Variants in GLI2 observed in about 807,000 individuals in gnomAD.
GLI2 encodes transcription activator GLI2.
Under a neutral mutation model 78.9 loss-of-function variants are expected in GLI2, and 22 were observed. The observed-to-expected ratio is 0.28, with a 90% CI of 0.20 to 0.40. The LOEUF (loss-of-function observed/expected upper bound fraction) is 0.40, where lower values mean the gene tolerates loss of function less well. Ranked by LOEUF, GLI2 falls within the 10% of genes least tolerant of loss-of-function variation. The probability of loss-of-function intolerance (pLI) is 1.00; values close to 1 mark genes in which losing one functional copy is unlikely to be tolerated. For missense variants in GLI2, 2,097 were observed against 2,213.2 expected (o/e 0.95, Z 1.05); for synonymous variants, 974 against 963.7 (o/e 1.01, Z -0.20).
At chr2:120,902,339 G>T (rs1678309553) in intron 2 of GLI2, among the ~76,000 whole-genome samples, 1 of 152,154 alleles carries the variant, frequency 6.6e-6, no homozygotes, top group Admixed American at 6.5e-5. Flanking sequence ...TCCAGTGAGA[G>T]AAGAAGCAAT....
intron 1 of GLI2, among the ~76,000 whole-genome samples, chr2:120,763,424 A>G (rs2104647909): frequency 6.6e-6 from 1 of 152,356 alleles, no homozygotes; most frequent in Non-Finnish European, 1.5e-5. Context: ...CTAGGCAGAG[A>G]AAGCCTGGGG....
chr2:120,754,433 T>C (rs989443085), intron 1 of GLI2, among the ~76,000 whole-genome samples: 3 of 151,732 alleles, frequency 2.0e-5, no homozygotes, highest in Admixed American at 6.6e-5. Context: ...CTGTAATCTG[T>C]CCCCCCACCC....
At chr2:120,772,381 G>A (rs1260489045) in intron 1 of GLI2, among the ~76,000 whole-genome samples, 1 of 152,150 alleles carries the variant, frequency 6.6e-6, no homozygotes, top group Non-Finnish European at 1.5e-5. Context: ...TTGTTTGTTT[G>A]TTTCCACTCA....
intron 2 of GLI2, among the ~76,000 whole-genome samples, chr2:120,804,419 C>T (rs1361346083): frequency 6.6e-6 from 1 of 152,162 alleles, no homozygotes; most frequent in Non-Finnish European, 1.5e-5. Flanking sequence ...GAGGTGTTCC[C>T]GGTGGGCTGG....
At position 120,990,216 on chromosome 2, in the gene GLI2, G is replaced by A. The variant is rs760153700; in HGVS notation, c.4251G>A (p.Gln1417=). The A allele has an allele frequency of 8.7e-6, 14 of 1,613,610 alleles. No individual in the cohort carries two copies. The highest frequency in any genetic ancestry group is 1.2e-5 in the Non-Finnish European group (14 of 1,180,038). ...MGSVPPQPPP[Q]DAGGAPDHSM... ...CGGTGCCTCCCCAGCCGCCTCCGCA[G>A]GACGCAGGTGGGGCCCCGGACCACA... The change falls in exon 14 of 14, where the codon CAG becomes CAA. Residue 1417 remains glutamine (Q), a synonymous_variant. Transcript: ENST00000361492.
At chr2:120,910,479 A>C (rs112181438) in intron 2 of GLI2, among the ~76,000 whole-genome samples, 1 of 152,176 alleles carries the variant, frequency 6.6e-6, no homozygotes, top group African/African-American at 2.4e-5. Context: ...CTCCTGTGTT[A>C]AGCAGGGCTA....
intron 1 of GLI2, among the ~76,000 whole-genome samples, chr2:120,780,214 C>A (rs74563323): frequency 0.031 from 4,653 of 152,210 alleles, 97 homozygotes; most frequent in Non-Finnish European, 0.048. Flanking sequence ...ACTCATAACG[C>A]CCCCTTCAGC....
In GLI2 at chr2:120,991,482, T is replaced by G. The variant is rs1190678689; in HGVS notation, c.*807T>G. 1 of 152,674 alleles carries G rather than the reference T, an allele frequency of 6.5e-6. No homozygotes were observed. Among genetic ancestry groups the G allele is most frequent in the African/African-American group, 2.4e-5 (1 of 41,456 alleles). The allele number at this position is 152,674 out of a possible 1,614,324, so 9.5% of individuals were successfully genotyped here. ...TTTGCATGTAGAATGTAGCCCTTCC[T>G]GAAAAGAAGACTTGTTTCTAAATAC... On this transcript the variant is annotated 3_prime_UTR_variant, in exon 14 of 14. Coordinates refer to ENST00000361492, the MANE Select transcript of GLI2 (RefSeq NM_001374353.1).
chr2:120,834,733 G>A (rs1331088469), intron 2 of GLI2, among the ~76,000 whole-genome samples: 1 of 152,148 alleles, frequency 6.6e-6, no homozygotes, highest in Non-Finnish European at 1.5e-5. Flanking sequence ...TTTTGCACCT[G>A]GTTTCAGATG....
Position 120,987,359 on chromosome 2 carries a change from A to G in GLI2, c.2242+745A>G, listed in dbSNP as rs1213652554. On this transcript the variant is annotated intron_variant, in intron 13 of 13. Coordinates refer to ENST00000361492, the MANE Select transcript of GLI2 (RefSeq NM_001374353.1). ...CTTGAACTCTCAGCCCCCTACAGGG[A>G]TGTCCTGGGTTGCAGACAGATGCCC... Among the ~76,000 whole-genome samples the G allele has an allele frequency of 2.6e-5, 4 of 152,302 alleles. No individual in the cohort carries two copies. The East Asian group carries it at 7.7e-4, about 29-fold the overall frequency.
In GLI2 at chr2:120,988,936, C is replaced by A. The variant is rs761649381; in HGVS notation, c.2971C>A (p.Arg991Ser). The A allele has an allele frequency of 3.1e-5, 47 of 1,529,270 alleles. No individual in the cohort carries two copies. Among genetic ancestry groups the A allele is most frequent in the African/African-American group, 4.1e-5 (3 of 72,642 alleles). 94.7% of individuals were successfully genotyped at this position (1,529,270 alleles called of 1,614,324 possible). A position where few individuals can be genotyped will look rare whatever the true frequency, so the allele number is the denominator to read the frequency against. ...GCCCTGTGCCGACAGGCGAGGCCTC[C>A]GCCTGCAGAGCCACCCGAGCACCGA... ...LPPCADRRGL[R>S]LQSHPSTDGG... The change falls in exon 14 of 14, where the codon CGC becomes AGC. Residue 991 changes from arginine to serine, a missense_variant. Physicochemically the swap from Arg to Ser is moderately radical, Grantham distance 110. This residue lies in a region of GLI2 where 1,290 missense variants were observed against 1,261.7 expected (regional missense o/e 1.02). Transcript: ENST00000361492.
rs866536671 is a variant in GLI2 at position 120,770,019 on chromosome 2, A to G, written c.-30-27272A>G. Among the ~76,000 whole-genome samples, 3 of 152,178 alleles carry G rather than the reference A, an allele frequency of 2.0e-5. No individual in the cohort carries two copies. The South Asian group carries it at 6.2e-4, about 32-fold the overall frequency. On this transcript the variant is annotated intron_variant, in intron 1 of 13. Coordinates refer to ENST00000361492, the MANE Select transcript of GLI2 (RefSeq NM_001374353.1). The stretch of plus-strand genomic sequence containing the variant: ...GCAGAAGGAGGGAGCTGCCTGGGTC[A>G]TGCTGACTGAGAGGAAGCCTGGTGC...
intron 1 of GLI2, among the ~76,000 whole-genome samples, chr2:120,791,884 G>A (rs1684169426): frequency 6.6e-6 from 1 of 152,186 alleles, no homozygotes; most frequent in Non-Finnish European, 1.5e-5. Context: ...CTGTGTATAT[G>A]GTTTGTCGGC....
At chr2:120,863,720 C>A (rs1488753093) in intron 2 of GLI2, among the ~76,000 whole-genome samples, 1 of 152,076 alleles carries the variant, frequency 6.6e-6, no homozygotes, top group African/African-American at 2.4e-5. Flanking sequence ...ATATGTCGAC[C>A]TTTGAGAACA....
At chr2:120,793,096 C>T (rs1348518192) in intron 1 of GLI2, among the ~76,000 whole-genome samples, 1 of 152,252 alleles carries the variant, frequency 6.6e-6, no homozygotes, top group Non-Finnish European at 1.5e-5. Context: ...CAGAAATGCT[C>T]CTGAAGCATC....
chr2:120,879,779 A>G (rs910910505), intron 2 of GLI2, among the ~76,000 whole-genome samples: 2 of 152,176 alleles, frequency 1.3e-5, no homozygotes, highest in African/African-American at 4.8e-5. Flanking sequence ...GAGTGTGTTA[A>G]ACTCTGCACG....
chr2:120,918,463 T>C (rs1439468814), intron 2 of GLI2, among the ~76,000 whole-genome samples: 1 of 148,986 alleles, frequency 6.7e-6, no homozygotes, highest in Non-Finnish European at 1.5e-5. Context: ...TTTTTGGATA[T>C]GGAGCCTCTC....
At chr2:120,792,259 G>A (rs1396660863) in intron 1 of GLI2, 3 of 152,190 alleles carry the variant, frequency 2.0e-5, no homozygotes, top group Non-Finnish European at 4.4e-5. Flanking sequence ...CCTTTTCTGC[G>A]CCGTGGGCCC....
At chr2:120,877,078 G>A (rs559101223) in intron 2 of GLI2, among the ~76,000 whole-genome samples, 72 of 152,336 alleles carry the variant, frequency 4.7e-4, no homozygotes, top group African/African-American at 1.7e-3. Flanking sequence ...AGCCGGTGAT[G>A]CATTTGCATG....
Sources: allele counts gnomAD v4.1 joint callset (sites outside exome capture counted in the v4.1 genomes callset), GRCh38; gene constraint gnomAD v4.1.1; regional missense constraint gnomAD v4.1.1; transcripts MANE v1.5; gene names NCBI Gene and HGNC (gene_info 2026-07-23, HGNC 2026-07-21).